TCF7L1: variants seen among roughly 807,000 people sequenced by gnomAD.
The protein encoded by TCF7L1 is transcription factor 7 like 1.
A neutral mutation model predicts 63.7 loss-of-function variants in TCF7L1; 18 were observed. That is an observed-to-expected ratio of 0.28 (90% CI 0.20 to 0.42). The LOEUF (loss-of-function observed/expected upper bound fraction) is 0.42. Among genes scored for constraint, TCF7L1 ranks in the 10% least tolerant of loss-of-function variants. The probability of loss-of-function intolerance (pLI) is 1.00; values close to 1 mark genes in which losing one functional copy is unlikely to be tolerated. For synonymous variants in TCF7L1, 355 were observed against 340.9 expected (o/e 1.04, Z -0.46); for missense variants, 654 against 779.3 (o/e 0.84, Z 1.91).
In TCF7L1 at chr2:85,304,445, C is replaced by G. The variant is rs138474773; in HGVS notation, c.845+107C>G. On this transcript the variant is annotated intron_variant, in intron 7 of 11. Transcript: ENST00000282111. ...AGTTAATGAGCAGGCACAGGGCTCA[C>G]CCTCCCCCCACCTCTCTTTGATCAA... is the stretch of plus-strand genomic sequence containing the variant. 153 of 1,147,186 alleles carry G rather than the reference C, an allele frequency of 1.3e-4. No individual in the cohort carries two copies. The African/African-American group carries it at 2.2e-3, about 17-fold the overall frequency. 71.1% of individuals were successfully genotyped at this position (1,147,186 alleles called of 1,614,324 possible).
intron 3 of TCF7L1, among the ~76,000 whole-genome samples, chr2:85,228,851 T>TAA (rs1046062620): frequency 1.4e-5 from 2 of 138,814 alleles, no homozygotes; most frequent in African/African-American, 5.3e-5. Context: ...CCATCTCTCC[T>TAA]AAAAAAAAAA....
At chr2:85,247,249 A>G (rs1185839285) in intron 3 of TCF7L1, among the ~76,000 whole-genome samples, 2 of 152,198 alleles carry the variant, frequency 1.3e-5, no homozygotes, top group South Asian at 2.1e-4. Context: ...CATGACCGCT[A>G]TTATTAACCT....
At chr2:85,283,414 T>C (rs1681470375) in intron 3 of TCF7L1, 81 bp from the exon 4 acceptor site, 2 of 1,524,342 alleles carry the variant, frequency 1.3e-6, no homozygotes. Context: ...CCCGGTGCCC[T>C]AACAGCAGAG....
intron 3 of TCF7L1, among the ~76,000 whole-genome samples, chr2:85,249,284 G>C (rs889599960): frequency 6.6e-6 from 1 of 152,188 alleles, no homozygotes; most frequent in Non-Finnish European, 1.5e-5. Flanking sequence ...GTGGTCCCTC[G>C]CTGGCCTGTG....
intron 3 of TCF7L1, among the ~76,000 whole-genome samples, chr2:85,282,511 T>C (rs1047590512): frequency 6.6e-6 from 1 of 152,252 alleles, no homozygotes; most frequent in Non-Finnish European, 1.5e-5. Flanking sequence ...GTCTCCCATG[T>C]GCGAGGCACT....
chr2:85,137,797 G>A (rs1677629786), intron 3 of TCF7L1, among the ~76,000 whole-genome samples: 1 of 151,640 alleles, frequency 6.6e-6, no homozygotes, highest in African/African-American at 2.4e-5. Context: ...GGAGACTGAG[G>A]CATGAGAATC....
At chr2:85,247,299 T>G (rs1166998695) in intron 3 of TCF7L1, among the ~76,000 whole-genome samples, 7 of 152,244 alleles carry the variant, frequency 4.6e-5, no homozygotes, top group Admixed American at 4.6e-4. Context: ...ATGCATCCTA[T>G]TTCAGAAGGT....
chr2:85,227,484 TCCTA>T (rs1558639809), intron 3 of TCF7L1, among the ~76,000 whole-genome samples: 3 of 151,246 alleles, frequency 2.0e-5, no homozygotes, highest in Non-Finnish European at 4.4e-5. Flanking sequence ...GAAACAACGA[TCCTA>T]ATTTCATGTG....
chr2:85,243,364 G>A (rs1162857870), intron 3 of TCF7L1, among the ~76,000 whole-genome samples: 2 of 152,122 alleles, frequency 1.3e-5, no homozygotes, highest in East Asian at 1.9e-4. Flanking sequence ...ACTCAGGTGC[G>A]GCTCTTAAGC....
intron 3 of TCF7L1, among the ~76,000 whole-genome samples, chr2:85,212,030 C>T (rs1679560621): frequency 7.6e-6 from 1 of 131,314 alleles, no homozygotes; most frequent in African/African-American, 2.9e-5. Flanking sequence ...GCAGAGGTTG[C>T]AGTGAGCTGA....
chr2:85,153,032 A>G (rs1678056126), intron 3 of TCF7L1, among the ~76,000 whole-genome samples: 1 of 152,254 alleles, frequency 6.6e-6, no homozygotes, highest in Non-Finnish European at 1.5e-5. Context: ...TCGTTTCCTT[A>G]GTTCTCACAT....
chr2:85,232,535 G>A (rs1479624630), intron 3 of TCF7L1, among the ~76,000 whole-genome samples: 1 of 152,040 alleles, frequency 6.6e-6, no homozygotes, highest in African/African-American at 2.4e-5. Context: ...CCTCTGTGAG[G>A]TCTTGTTGAC....
intron 3 of TCF7L1, among the ~76,000 whole-genome samples, chr2:85,273,606 TAA>T (rs796502104): frequency 2.0e-5 from 3 of 152,232 alleles, no homozygotes; most frequent in African/African-American, 7.2e-5. Flanking sequence ...CCTCAGAACT[TAA>T]GTGTGCATAT....
chr2:85,164,234 T>C (rs1041963473), intron 3 of TCF7L1, among the ~76,000 whole-genome samples: 4 of 152,172 alleles, frequency 2.6e-5, no homozygotes, highest in Non-Finnish European at 5.9e-5. Context: ...GCTCCCTGGC[T>C]TCTGGGTACA....
chr2:85,159,472 C>T (rs565131988), intron 3 of TCF7L1, among the ~76,000 whole-genome samples: 4 of 152,314 alleles, frequency 2.6e-5, no homozygotes, highest in African/African-American at 9.6e-5. Flanking sequence ...GTCTGCATGC[C>T]CAGTGAAACC....
At chr2:85,193,358 C>T (rs1177757727) in intron 3 of TCF7L1, among the ~76,000 whole-genome samples, 2 of 152,070 alleles carry the variant, frequency 1.3e-5, no homozygotes, top group African/African-American at 4.8e-5. Context: ...GGATACTGAT[C>T]ATGCATTTTT....
chr2:85,188,060 T>C (rs1235710828), intron 3 of TCF7L1, among the ~76,000 whole-genome samples: 1 of 152,236 alleles, frequency 6.6e-6, no homozygotes, highest in Non-Finnish European at 1.5e-5. Context: ...TTGCCATTTA[T>C]ATAACATTCG....
Position 85,206,451 on chromosome 2 carries a change from T to C in TCF7L1, c.441+72001T>C, listed in dbSNP as rs558776792. 2.0e-5 allele frequency among the ~76,000 whole-genome samples: 3 copies of C among 152,358 alleles called. No individual in the cohort carries two copies. In the South Asian group the frequency reaches 6.2e-4, roughly 32 times the overall value. On this transcript the variant is annotated intron_variant, in intron 3 of 11. Coordinates refer to ENST00000282111, the MANE Select transcript of TCF7L1 (RefSeq NM_031283.3). Reference sequence around the variant, plus strand: ...ATGGTTCTTCTTGAATACAAAACAGTAATCTCTGCCACTAATTCATTGACT... The same window carrying C: ...ATGGTTCTTCTTGAATACAAAACAGCAATCTCTGCCACTAATTCATTGACT...
intron 3 of TCF7L1, among the ~76,000 whole-genome samples, chr2:85,281,540 T>C (rs954721323): frequency 6.6e-6 from 1 of 151,882 alleles, no homozygotes; most frequent in Non-Finnish European, 1.5e-5. Flanking sequence ...TCATGTCGGG[T>C]GTGTGGGCTC....
Sources: allele counts gnomAD v4.1 joint callset (sites outside exome capture counted in the v4.1 genomes callset), GRCh38; gene constraint gnomAD v4.1.1; transcripts MANE v1.5; gene names NCBI Gene and HGNC (gene_info 2026-07-23, HGNC 2026-07-21).